The following SLC9C1 variants were observed in gnomAD, a reference collection of about 807,000 sequenced individuals.
SLC9C1 encodes the protein solute carrier family 9 member C1, also known as sodium/hydrogen exchanger 10.
In SLC9C1, 97 loss-of-function variants were observed where a neutral mutation model predicts 140.9. The observed-to-expected ratio is 0.69, with a 90% CI of 0.58 to 0.82. The LOEUF is 0.82. SLC9C1 is among the 40% of genes least tolerant of loss of function. The pLI, the probability that SLC9C1 is intolerant of heterozygous loss-of-function variation, is 0.00. For synonymous variants in SLC9C1, 440 were observed against 442.6 expected, an observed-to-expected ratio of 0.99 and a Z score of 0.07; for missense variants, 1,340 against 1,389.3, an observed-to-expected ratio of 0.96 and a Z score of 0.56.
At chr3:112,185,825 C>A (rs563757311) in intron 20 of SLC9C1, 3 of 1,580,636 alleles carry the variant, frequency 1.9e-6, no homozygotes, top group Non-Finnish European at 2.6e-6. Flanking sequence ...GGGGAGTGCC[C>A]TCCTCCTCGT....
At chr3:112,248,368 G>T (rs1269501432) in intron 10 of SLC9C1, among the ~76,000 whole-genome samples, 1 of 152,126 alleles carries the variant, frequency 6.6e-6, no homozygotes. Flanking sequence ...TTGACTCACA[G>T]AAACTGAGAT....
At chr3:112,202,704 A>G (rs1156779886) in intron 17 of SLC9C1, among the ~76,000 whole-genome samples, 1 of 151,994 alleles carries the variant, frequency 6.6e-6, no homozygotes, top group African/African-American at 2.4e-5. Flanking sequence ...AAAACAATGC[A>G]ATTAATCTTC....
At chr3:112,174,615 C>A (rs1215648856) in intron 23 of SLC9C1, among the ~76,000 whole-genome samples, 1 of 152,114 alleles carries the variant, frequency 6.6e-6, no homozygotes, top group Non-Finnish European at 1.5e-5. Context: ...GAGCTGGGGG[C>A]CCTGCCTGGT....
At chr3:112,167,473 A>G (rs138865114) in intron 25 of SLC9C1, 126 bp from the exon 26 acceptor site, 13,886 of 914,330 alleles carry the variant, frequency 0.015, 142 homozygotes, top group Non-Finnish European at 0.018. Flanking sequence ...TAACAAATCA[A>G]CACAAATAAG....
chr3:112,147,411 G>T, intron 28 of SLC9C1: 1 of 275,080 alleles, frequency 3.6e-6, no homozygotes, highest in Non-Finnish European at 7.4e-6. Flanking sequence ...GAGTTTTTGT[G>T]GTAGCAGTTG....
intron 19 of SLC9C1, 42 bp from the exon 20 acceptor site, chr3:112,199,511 G>A: frequency 7.0e-7 from 1 of 1,426,920 alleles, no homozygotes; most frequent in Non-Finnish European, 9.4e-7. Flanking sequence ...TAAGAACATT[G>A]TTTTAAATGT....
intron 15 of SLC9C1, among the ~76,000 whole-genome samples, chr3:112,214,723 T>G (rs1450991253): frequency 6.6e-6 from 1 of 152,176 alleles, no homozygotes; most frequent in Non-Finnish European, 1.5e-5. Context: ...ATTAATAGCT[T>G]ACCAACCAAA....
intron 13 of SLC9C1, among the ~76,000 whole-genome samples, chr3:112,228,073 C>A (rs1576391808): frequency 6.6e-6 from 1 of 152,040 alleles, no homozygotes; most frequent in Non-Finnish European, 1.5e-5. Context: ...CCTCAAAAGA[C>A]CTCAAGTAGC....
intron 16 of SLC9C1, among the ~76,000 whole-genome samples, chr3:112,206,052 A>G (rs201441511): frequency 0.6 from 42,019 of 70,212 alleles, 13,792 homozygotes; most frequent in East Asian, 0.97. Flanking sequence ...AACTACCATC[A>G]GAGTGAACAG....
intron 19 of SLC9C1, 92 bp from the exon 20 acceptor site, chr3:112,199,561 T>C (rs2077853958): frequency 1.0e-6 from 1 of 984,642 alleles, no homozygotes; most frequent in Non-Finnish European, 1.4e-6. Flanking sequence ...TCTAAACCCA[T>C]GGAATACCGC....
intron 20 of SLC9C1, among the ~76,000 whole-genome samples, chr3:112,186,933 A>G (rs1217835825): frequency 1.3e-5 from 2 of 152,236 alleles, no homozygotes; most frequent in African/African-American, 4.8e-5. Context: ...GCATTGTTAT[A>G]TAAGGCATTC....
chr3:112,190,023 G>C (rs576096574), intron 20 of SLC9C1, among the ~76,000 whole-genome samples: 1 of 152,222 alleles, frequency 6.6e-6, no homozygotes, highest in African/African-American at 2.4e-5. Context: ...CCCACGATTT[G>C]GCTCTCTGTT....
At chr3:112,202,534 C>A in intron 17 of SLC9C1, 135 bp from the exon 18 acceptor site, 3 of 809,570 alleles carry the variant, frequency 3.7e-6, no homozygotes, top group Non-Finnish European at 5.5e-6. Context: ...TGTCAAGGTT[C>A]TTTGTTATTT....
At chr3:112,224,780 CATAG>C (rs1202138231) in intron 13 of SLC9C1, among the ~76,000 whole-genome samples, 1 of 149,412 alleles carries the variant, frequency 6.7e-6, no homozygotes, top group African/African-American at 2.5e-5. Flanking sequence ...GAGAAAGATA[CATAG>C]ATAAGAAAGA....
intron 27 of SLC9C1, among the ~76,000 whole-genome samples, chr3:112,152,725 G>C (rs1050161094): frequency 6.6e-6 from 1 of 152,024 alleles, no homozygotes; most frequent in Non-Finnish European, 1.5e-5. Flanking sequence ...TGTGTCCCTG[G>C]GTACTCGAGA....
At chr3:112,186,988 A>G (rs1474343542) in intron 20 of SLC9C1, among the ~76,000 whole-genome samples, 4 of 152,216 alleles carry the variant, frequency 2.6e-5, no homozygotes, top group Non-Finnish European at 5.9e-5. Context: ...TCTGCAAGAT[A>G]AACTTTCTTT....
At chr3:112,244,210 C>A in intron 10 of SLC9C1, 134 bp from the exon 11 acceptor site, 1 of 436,344 alleles carries the variant, frequency 2.3e-6, no homozygotes, top group East Asian at 3.7e-5. Context: ...ATGCTCATGG[C>A]AGGGGAGGAA....
intron 14 of SLC9C1, 63 bp from the exon 15 acceptor site, chr3:112,217,624 CT>C: frequency 7.0e-7 from 1 of 1,435,078 alleles, no homozygotes; most frequent in South Asian, 1.5e-5. Context: ...TAATGTTGTA[CT>C]GGAAGTTTAA....
In SLC9C1 at chr3:112,182,189, C is replaced by G. The variant is rs1259530337; in HGVS notation, c.2593G>C (p.Val865Leu). The change falls in exon 21 of 29, where the codon GTT (valine) becomes CTT (leucine). Residue 865 changes from valine (V) to leucine (L), a missense_variant. By Grantham distance (32) the Val-to-Leu change is conservative (BLOSUM62 1). Coordinates refer to ENST00000305815, the MANE Select transcript of SLC9C1 (RefSeq NM_183061.3). ...TCTAGCCACGGAATATGATATAGAA[C>G]TTCTTCAACAGTAAGAGGCCTGATA... ...SIIRPLTVEE[V>L]LYHIPWLDKN... 4 of 1,605,926 alleles carry G rather than the reference C, an allele frequency of 2.5e-6. No homozygotes were observed. The highest frequency in any genetic ancestry group is 3.4e-6 in the Non-Finnish European group (4 of 1,176,276).
Sources: gnomAD v4.1 joint callset for allele counts (sites outside exome capture counted in the v4.1 genomes callset) on GRCh38, gnomAD v4.1.1 for gene constraint, MANE v1.5 for transcripts, NCBI Gene and HGNC (gene_info 2026-07-23, HGNC 2026-07-21) for gene names.